TESK2: variants seen among roughly 807,000 people sequenced by gnomAD.
The protein encoded by TESK2 is dual specificity testis-specific protein kinase 2.
A neutral mutation model predicts 57.1 loss-of-function variants in TESK2; 39 were observed. That is an observed-to-expected ratio of 0.68 (90% CI 0.53 to 0.89). The LOEUF is 0.89. Ranked by LOEUF, TESK2 falls within the 40% of genes least tolerant of loss-of-function variation. The pLI, the probability that TESK2 is intolerant of heterozygous loss-of-function variation, is 0.00. For missense variants in TESK2, 646 were observed against 732.1 expected (o/e 0.88, Z 1.36); for synonymous variants, 249 against 267.9 (o/e 0.93, Z 0.69).
At chr1:45,462,940 G>A (rs942595570) in intron 1 of TESK2, among the ~76,000 whole-genome samples, 1 of 152,164 alleles carries the variant, frequency 6.6e-6, no homozygotes, top group South Asian at 2.1e-4. Context: ...TTAAGGGTGA[G>A]ATGATAACTC....
chr1:45,399,505 G>A (rs1469168121), intron 3 of TESK2, among the ~76,000 whole-genome samples: 1 of 152,140 alleles, frequency 6.6e-6, no homozygotes, highest in Admixed American at 6.5e-5. Context: ...AGTAGAGATG[G>A]GGTTTCTCCA....
intron 2 of TESK2, 151 bp downstream of exon 2, chr1:45,457,413 A>C (rs1402796435): frequency 3.0e-5 from 20 of 665,648 alleles, no homozygotes; most frequent in Non-Finnish European, 5.1e-5. Flanking sequence ...ATATAAGTTA[A>C]TAAATAGCTT....
intron 3 of TESK2, among the ~76,000 whole-genome samples, chr1:45,393,806 A>C (rs947788790): frequency 6.6e-6 from 1 of 152,104 alleles, no homozygotes; most frequent in African/African-American, 2.4e-5. Flanking sequence ...ACAATATACT[A>C]TAAAGAGGAA....
rs202078785 is a variant in TESK2 at position 45,345,931 on chromosome 1, G to A, written c.943C>T (p.Arg315Cys). 1.3e-4 allele frequency: 216 copies of A among 1,614,012 alleles called. No individual in the cohort carries two copies. In the Middle Eastern group the frequency reaches 2.5e-3, roughly 18 times the overall value. Residue 315 changes from arginine (R) to cysteine (C), a missense_variant, in exon 10 of 11, where the codon CGC becomes TGC. Transcript: ENST00000372086. ...CTCTCCTGCTCTTCTTCCTGTAGGCGGCTCAGAATTTCCTCCAGGGTCTTC... is the reference window on the plus strand; with the variant it reads ...CTCTCCTGCTCTTCTTCCTGTAGGCAGCTCAGAATTTCCTCCAGGGTCTTC... ...IGKTLEEILS[R>C]LQEEEQERDR...
intron 3 of TESK2, among the ~76,000 whole-genome samples, chr1:45,389,250 G>C (rs1051244066): frequency 6.6e-6 from 1 of 152,074 alleles, no homozygotes. Context: ...CTGAGACCTC[G>C]TCATATACAT....
chr1:45,346,944 C>T (rs1415774047), intron 8 of TESK2, 35 bp downstream of exon 8: 1 of 1,607,182 alleles, frequency 6.2e-7, no homozygotes, highest in East Asian at 2.2e-5. Flanking sequence ...AAACTAGCCC[C>T]ATCAGTGGCA....
At chr1:45,430,336 C>A (rs1196368838) in intron 2 of TESK2, among the ~76,000 whole-genome samples, 1 of 151,848 alleles carries the variant, frequency 6.6e-6, no homozygotes, top group African/African-American at 2.4e-5. Flanking sequence ...AAAAAAAATA[C>A]AAAAATTAGC....
chr1:45,368,026 C>G (rs568982440), intron 4 of TESK2, among the ~76,000 whole-genome samples: 106 of 146,922 alleles, frequency 7.2e-4, no homozygotes, highest in African/African-American at 2.6e-3. Context: ...TGGAGTTTCA[C>G]TCTTGTTGCC....
intron 3 of TESK2, among the ~76,000 whole-genome samples, chr1:45,390,762 A>G (rs1320624530): frequency 1.3e-5 from 2 of 149,326 alleles, no homozygotes; most frequent in Non-Finnish European, 3.0e-5. Context: ...TATTATTATT[A>G]TTGTTATTGT....
At chr1:45,473,067 T>C (rs189394020) in intron 1 of TESK2, among the ~76,000 whole-genome samples, 99 of 145,256 alleles carry the variant, frequency 6.8e-4, no homozygotes, top group African/African-American at 2.4e-3. Context: ...GGCAGGAGAA[T>C]GGTGTGAACC....
intron 3 of TESK2, among the ~76,000 whole-genome samples, chr1:45,406,956 C>T (rs1279033214): frequency 6.6e-6 from 1 of 152,174 alleles, no homozygotes; most frequent in East Asian, 1.9e-4. Context: ...ACCTTATCTA[C>T]TGATTTTACA....
chr1:45,364,751 T>G (rs895639910), intron 4 of TESK2, among the ~76,000 whole-genome samples: 3 of 152,148 alleles, frequency 2.0e-5, no homozygotes, highest in African/African-American at 4.8e-5. Context: ...AGTCAGAATA[T>G]AAAGCTTTTT....
chr1:45,398,443 G>C (rs1023247788), intron 3 of TESK2, among the ~76,000 whole-genome samples: 2 of 152,064 alleles, frequency 1.3e-5, no homozygotes, highest in African/African-American at 4.8e-5. Context: ...TACTCAGGAG[G>C]CTGAGGCAGA....
intron 1 of TESK2, among the ~76,000 whole-genome samples, chr1:45,483,370 C>A (rs547663827): frequency 6.6e-6 from 1 of 151,556 alleles, no homozygotes; most frequent in East Asian, 1.9e-4. Context: ...CCGAGGCAGG[C>A]GGATGGCCTG....
chr1:45,483,291 A>C lies in TESK2; in HGVS notation c.-87+7561T>G, dbSNP rs563118921. ...GAGAGACTTCGTCTCAAAAAAAAAA[A>C]AACAACAACAACAAAAAAGAGGAGC... On this transcript the variant is annotated intron_variant, in intron 1 of 10. Transcript: ENST00000372086. Among the ~76,000 whole-genome samples the C allele has an allele frequency of 1.9e-3, 282 of 151,196 alleles. 3 individuals are homozygous for C. The highest frequency in any genetic ancestry group is 5.8e-3 in the African/African-American group (238 of 41,234).
At chr1:45,483,676 C>T (rs1653330334) in intron 1 of TESK2, among the ~76,000 whole-genome samples, 1 of 151,722 alleles carries the variant, frequency 6.6e-6, no homozygotes, top group African/African-American at 2.4e-5. Flanking sequence ...AGTTTTGCCG[C>T]GAGGGGGCGG....
At chr1:45,432,037 A>G (rs796688464) in intron 2 of TESK2, among the ~76,000 whole-genome samples, 14 of 152,062 alleles carry the variant, frequency 9.2e-5, no homozygotes, top group African/African-American at 3.4e-4. Context: ...CTTAAACCCA[A>G]GAGTTCAAGG....
chr1:45,471,043 C>A (rs1652744531), intron 1 of TESK2, among the ~76,000 whole-genome samples: 1 of 152,002 alleles, frequency 6.6e-6, no homozygotes, highest in Non-Finnish European at 1.5e-5. Context: ...CCATCCTGGC[C>A]AACATGGTGA....
rs551701680 is a variant in TESK2, at chr1:45,402,012, A to G, written c.345-16052T>C. On this transcript the variant is annotated intron_variant, in intron 3 of 10. Transcript: ENST00000372086. Reference sequence around the variant, plus strand: ...CCTATAATACAATGTTAAAACGTGGACATAATTTTGATACTTATGTTTTCT... The same window carrying G: ...CCTATAATACAATGTTAAAACGTGGGCATAATTTTGATACTTATGTTTTCT... 9.2e-5 allele frequency among the ~76,000 whole-genome samples: 14 copies of G among 152,042 alleles called. No individual in the cohort carries two copies. In the South Asian group the frequency reaches 1.7e-3, roughly 18 times the overall value.
Sources: gnomAD v4.1 joint callset for allele counts (sites outside exome capture counted in the v4.1 genomes callset) on GRCh38, gnomAD v4.1.1 for gene constraint, MANE v1.5 for transcripts, NCBI Gene and HGNC (gene_info 2026-07-23, HGNC 2026-07-21) for gene names.